Variants in PML observed in about 807,000 individuals in gnomAD.
PML encodes the protein PML nuclear body scaffold.
A neutral mutation model predicts 65.2 loss-of-function variants in PML; 28 were observed. That is an observed-to-expected ratio of 0.43 (90% CI 0.32 to 0.59). The LOEUF (loss-of-function observed/expected upper bound fraction) is 0.59, where lower values mean the gene tolerates loss of function less well. PML is among the 20% of genes least tolerant of loss of function. The probability of loss-of-function intolerance (pLI) is 0.08; values close to 1 mark genes in which losing one functional copy is unlikely to be tolerated. For missense variants in PML, 1,021 were observed against 1,203.4 expected (o/e 0.85, Z 2.24); for synonymous variants, 500 against 508.8 (o/e 0.98, Z 0.23).
chr15:74,017,368 T>A (rs1225508543), intron 2 of PML, among the ~76,000 whole-genome samples: 1 of 152,090 alleles, frequency 6.6e-6, no homozygotes, highest in East Asian at 1.9e-4. Context: ...GGCTGCTGGC[T>A]GGGCGCAGTG....
intron 7 of PML, chr15:74,041,371 G>A (rs1429877351): frequency 2.0e-5 from 3 of 152,416 alleles, no homozygotes; most frequent in Non-Finnish European, 2.9e-5. Context: ...CTAGGAAGAC[G>A]CCTTGTAGAA....
intron 6 of PML, 151 bp downstream of exon 6, chr15:74,033,565 G>GT: frequency 2.3e-6 from 2 of 855,806 alleles, no homozygotes; most frequent in South Asian, 2.8e-5. Context: ...CACAGTGTGC[G>GT]TGGGGGTGAG....
intron 2 of PML, among the ~76,000 whole-genome samples, chr15:74,020,470 G>A (rs150071635): frequency 1.3e-3 from 192 of 151,808 alleles, no homozygotes; most frequent in Admixed American, 3.7e-3. Context: ...CACTGCCGGT[G>A]AGAGTAAATT....
In PML at chr15:74,044,828, C is replaced by T. The variant is rs1265260187; in HGVS notation, c.2469C>T (p.Tyr823=). 2 of 1,613,278 alleles carry T rather than the reference C, an allele frequency of 1.2e-6. No individual in the cohort carries two copies. The highest frequency in any genetic ancestry group is 2.2e-5 in the South Asian group (2 of 91,092). ...RRDRQGGLKK[Y]SRYLSLQTTT... ...ACCGGCAGGGGGGCCTGAAGAAGTACAGCCGCTATCTAAGCCTGCAGACCA... is the reference window on the plus strand; with the variant it reads ...ACCGGCAGGGGGGCCTGAAGAAGTATAGCCGCTATCTAAGCCTGCAGACCA... The change falls in exon 9 of 9, where the codon TAC becomes TAT. Residue 823 remains tyrosine, a synonymous_variant. Coordinates refer to ENST00000268058, the MANE Select transcript of PML (RefSeq NM_033238.3).
Position 74,035,828 on chromosome 15 carries a change from C to A in PML, c.1710+1298C>A, listed in dbSNP as rs1325838039. 6 of 1,613,954 alleles carry A rather than the reference C, an allele frequency of 3.7e-6. No individual in the cohort carries two copies. Among genetic ancestry groups the A allele is most frequent in the East Asian group, 2.2e-5 (1 of 44,846 alleles). On this transcript the variant is annotated intron_variant, in intron 7 of 8. Transcript: ENST00000268058. This position sits in a 1 kb window ranked among gnomAD's most constrained non-coding sequence, Gnocchi z 4.1. Reference sequence around the variant, plus strand: ...TTCCCCCTGGGGACTCTGTCAGAGGCTCCATGGAGGCCTCTCAAGTCCAAG... The same window carrying A: ...TTCCCCCTGGGGACTCTGTCAGAGGATCCATGGAGGCCTCTCAAGTCCAAG...
intron 6 of PML, chr15:74,034,198 T>G: frequency 3.9e-6 from 2 of 514,916 alleles, no homozygotes; most frequent in Non-Finnish European, 7.1e-6. Context: ...TTGTCAGGCC[T>G]CCTGTACAGG....
In PML at chr15:74,023,132, G is replaced by T. The variant is rs1414305085; in HGVS notation, c.907G>T (p.Ala303Ser). Reference protein sequence around the residue: ...QERELLEAVDARYQRDYEEMA... With the variant: ...QERELLEAVDSRYQRDYEEMA... Reference sequence around the variant, plus strand: ...GCGCGAGCTGCTGGAGGCTGTGGACGCGCGGTACCAGCGCGACTACGAGGA... The same window carrying T: ...GCGCGAGCTGCTGGAGGCTGTGGACTCGCGGTACCAGCGCGACTACGAGGA... The change falls in exon 3 of 9, where the codon GCG becomes TCG. Residue 303 changes from alanine (A) to serine (S), a missense_variant. Transcript: ENST00000268058. 1.2e-6 allele frequency: 2 copies of T among 1,604,498 alleles called. No individual in the cohort carries two copies. The highest frequency in any genetic ancestry group is 1.7e-6 in the Non-Finnish European group (2 of 1,178,798).
chr15:74,035,669 C>T lies in PML; in HGVS notation c.1710+1139C>T, dbSNP rs755006151. 5 of 1,613,982 alleles carry T rather than the reference C, an allele frequency of 3.1e-6. No homozygotes were observed. Among genetic ancestry groups the T allele is most frequent in the Non-Finnish European group, 4.2e-6 (5 of 1,180,028 alleles). On this transcript the variant is annotated intron_variant, in intron 7 of 8. Coordinates refer to ENST00000268058, the MANE Select transcript of PML (RefSeq NM_033238.3). This position sits in a 1 kb window ranked among gnomAD's most constrained non-coding sequence, Gnocchi z 4.1. ...CTGTGCGATCCCGCAGCCGCTCCCT[C>T]CGGGGCTCCTCCCATTTATCCCAGT...
intron 4 of PML, chr15:74,028,494 A>C (rs11637420): frequency 0.16 from 23,921 of 152,038 alleles, 2,040 homozygotes; most frequent in Non-Finnish European, 0.18. Context: ...AATATAAAAT[A>C]CATCATCTTA....
intron 2 of PML, among the ~76,000 whole-genome samples, chr15:74,019,744 CCAGT>C (rs2070752254): frequency 6.6e-6 from 1 of 152,130 alleles, no homozygotes; most frequent in African/African-American, 2.4e-5. Context: ...TCATTGTATG[CCAGT>C]CATTTTTCAA....
In PML at chr15:74,032,109, G is replaced by T. The variant is rs536795802; in HGVS notation, c.1255-463G>T. 2.7e-4 allele frequency among the ~76,000 whole-genome samples: 41 copies of T among 152,304 alleles called. 1 individual carries two copies. In the South Asian group the frequency reaches 8.5e-3, roughly 32 times the overall value. ...AGTAGTGAGCACTTTGTCCCTGGAG[G>T]TGTGTGTCTAAGTAGGGCTAATTAC... On this transcript the variant is annotated intron_variant, in intron 4 of 8. Transcript: ENST00000268058.
chr15:74,023,181 T>C lies in PML; in HGVS notation c.956T>C (p.Leu319Pro). 1 of 1,607,060 alleles carries C rather than the reference T, an allele frequency of 6.2e-7. No individual in the cohort carries two copies. ...GAGATGGCCAGTCGGCTGGGCCGCC[T>C]GGATGCTGTGCTGCAGCGCATCCGC... Reference protein sequence around the residue: ...YEEMASRLGRLDAVLQRIRTG... With the variant: ...YEEMASRLGRPDAVLQRIRTG... Residue 319 changes from leucine to proline, a missense_variant, in exon 3 of 9, where the codon CTG (leucine) becomes CCG (proline). By Grantham distance (98) the Leu-to-Pro change is moderately conservative. Coordinates refer to ENST00000268058, the MANE Select transcript of PML (RefSeq NM_033238.3).
At chr15:74,036,177 A>C in intron 7 of PML, 1 of 1,600,192 alleles carries the variant, frequency 6.2e-7, no homozygotes, top group Non-Finnish European at 8.5e-7. Context: ...GATTCAAGCC[A>C]CCATTCCAGG....
intron 7 of PML, among the ~76,000 whole-genome samples, chr15:74,040,028 A>G (rs1035075603): frequency 2.6e-5 from 4 of 152,160 alleles, no homozygotes; most frequent in African/African-American, 9.7e-5. Context: ...GGGGAGTGAG[A>G]TGGATGTAGC....
At chr15:74,001,592 C>T (rs2069766533) in intron 2 of PML, among the ~76,000 whole-genome samples, 1 of 152,178 alleles carries the variant, frequency 6.6e-6, no homozygotes, top group African/African-American at 2.4e-5. Context: ...CCACCCGCCT[C>T]AGTCTCCCAA....
In PML at chr15:74,033,351, G is replaced by A. The variant is rs146047180; in HGVS notation, c.1594G>A (p.Val532Ile). Residue 532 changes from valine (V) to isoleucine (I), a missense_variant, in exon 6 of 9, where the codon GTC (valine) becomes ATC (isoleucine). Physicochemically the swap from Val to Ile is conservative, Grantham distance 29 (BLOSUM62 3). Coordinates refer to ENST00000268058, the MANE Select transcript of PML (RefSeq NM_033238.3). ...TGGACCGCCTAGCCCCAGGAGCCCC[G>A]TCATAGGAAGTGAGGTCTTCCTGCC... Reference protein sequence around the residue: ...LDGPPSPRSPVIGSEVFLPNS... With the variant: ...LDGPPSPRSPIIGSEVFLPNS... The A allele has an allele frequency of 1.4e-5, 23 of 1,613,866 alleles. No homozygotes were observed. Among genetic ancestry groups the A allele is most frequent in the African/African-American group, 4.0e-5 (3 of 74,944 alleles).
At chr15:74,036,107 C>T in intron 7 of PML, 1 of 1,613,164 alleles carries the variant, frequency 6.2e-7, no homozygotes, top group Non-Finnish European at 8.5e-7. Context: ...ATGCATGGAC[C>T]TCTGGGCAGG....
At chr15:74,038,133 C>T (rs2071614623) in intron 7 of PML, among the ~76,000 whole-genome samples, 1 of 152,192 alleles carries the variant, frequency 6.6e-6, no homozygotes, top group South Asian at 2.1e-4. Context: ...AATCTGGGCA[C>T]TTCTTTCCAT....
At position 74,005,860 on chromosome 15, in the gene PML, G is replaced by A. The variant is rs141742021; in HGVS notation, c.602+7384G>A. 4.6e-5 allele frequency among the ~76,000 whole-genome samples: 7 copies of A among 152,210 alleles called. No individual in the cohort carries two copies. In the South Asian group the frequency reaches 8.3e-4, roughly 18 times the overall value. On this transcript the variant is annotated intron_variant, in intron 2 of 8. Coordinates refer to ENST00000268058, the MANE Select transcript of PML (RefSeq NM_033238.3). ...AGATTGTTCAGTGTTTGTAGCTAGC[G>A]TGGGCTGGCAGCAATTGTGTAAAGC...
Sources: gnomAD v4.1 joint callset for allele counts (sites outside exome capture counted in the v4.1 genomes callset) on GRCh38, gnomAD v4.1.1 for gene constraint, Gnocchi (gnomAD v3.1) non-coding constraint, MANE v1.5 for transcripts, NCBI Gene and HGNC (gene_info 2026-07-23, HGNC 2026-07-21) for gene names.